KCTD13: variants seen among roughly 807,000 people sequenced by gnomAD.
KCTD13 encodes the protein potassium channel tetramerization domain containing 13, also known as BTB/POZ domain-containing adapter for CUL3-mediated RhoA degradation protein 1.
A neutral mutation model predicts 32.3 loss-of-function variants in KCTD13; 15 were observed. The ratio of observed to expected loss-of-function variants is 0.46; its 90% confidence interval spans 0.31 to 0.71. KCTD13 has a LOEUF of 0.71. Among genes scored for constraint, KCTD13 ranks in the 30% least tolerant of loss-of-function variants. KCTD13 has a pLI of 0.05. For missense variants in KCTD13, 337 were observed against 452.6 expected (o/e 0.74, Z 2.32); for synonymous variants, 189 against 200.1 (o/e 0.94, Z 0.47).
chr16:29,913,021 T>C (rs973946421), intron 2 of KCTD13: 2 of 152,054 alleles, frequency 1.3e-5, no homozygotes, highest in African/African-American at 4.8e-5. Context: ...GAAAACTCAA[T>C]GCGCAATTCT....
At chr16:29,914,889 C>T (rs184411653) in intron 2 of KCTD13, 1 of 152,202 alleles carries the variant, frequency 6.6e-6, no homozygotes, top group Non-Finnish European at 1.5e-5. Flanking sequence ...TGCCTGTCAT[C>T]CCAGCTACTC....
chr16:29,925,676 G>T (rs2068982231), intron 1 of KCTD13, 114 bp downstream of exon 1: 1 of 1,040,130 alleles, frequency 9.6e-7, no homozygotes, highest in Non-Finnish European at 1.4e-6. Flanking sequence ...AGAATGAGTT[G>T]ACTGGACAGT....
At chr16:29,919,266 C>T (rs2068866611) in intron 2 of KCTD13, among the ~76,000 whole-genome samples, 1 of 151,716 alleles carries the variant, frequency 6.6e-6, no homozygotes, top group South Asian at 2.1e-4. Flanking sequence ...AAAAGGGACC[C>T]CTTGGATTGT....
At position 29,924,511 on chromosome 16, in the gene KCTD13, T is replaced by C. The variant is rs575293710; in HGVS notation, c.245-1152A>G. Among the ~76,000 whole-genome samples, 14 of 152,282 alleles carry C rather than the reference T, an allele frequency of 9.2e-5. No homozygotes were observed. The East Asian group carries it at 2.7e-3, about 29-fold the overall frequency. The stretch of plus-strand genomic sequence containing the variant: ...GCCATTTTAACTTTTATATTCTTCA[T>C]AGAGCTTACTATCAAAAAAAGAAAA... On this transcript the variant is annotated intron_variant, in intron 1 of 5. Transcript: ENST00000568000.
At chr16:29,925,425 G>A (rs1027177159) in intron 1 of KCTD13, 1 of 306,366 alleles carries the variant, frequency 3.3e-6, no homozygotes, top group Non-Finnish European at 6.3e-6. Flanking sequence ...ACTGAGGAAG[G>A]CTGCCAGGAG....
chr16:29,910,010 A>T (rs926160628), intron 5 of KCTD13, among the ~76,000 whole-genome samples: 4 of 151,358 alleles, frequency 2.6e-5, no homozygotes, highest in Non-Finnish European at 4.4e-5. Flanking sequence ...GAGGCAGGAG[A>T]ATCACTTGAA....
chr16:29,923,535 T>C (rs1057288381), intron 1 of KCTD13, among the ~76,000 whole-genome samples, 176 bp from the exon 2 acceptor site: 2 of 152,066 alleles, frequency 1.3e-5, no homozygotes, highest in Non-Finnish European at 2.9e-5. Flanking sequence ...GGATTATAGG[T>C]GTGAGCCACC....
chr16:29,926,135 C>G lies in KCTD13; in HGVS notation c.-102G>C, dbSNP rs577090261. Reference sequence around the variant, plus strand: ...CCCCCAGCCCTTGGGCCAGACCGCTCGGCGCACACGCCCACTCACCGCAGC... The same window carrying G: ...CCCCCAGCCCTTGGGCCAGACCGCTGGGCGCACACGCCCACTCACCGCAGC... On this transcript the variant is annotated 5_prime_UTR_variant, in exon 1 of 6. Coordinates refer to ENST00000568000, the MANE Select transcript of KCTD13 (RefSeq NM_178863.5). The G allele has an allele frequency of 1.6e-6, 2 of 1,278,106 alleles. No individual in the cohort carries two copies. The highest frequency in any genetic ancestry group is 3.2e-5 in the African/African-American group (2 of 63,034). 79.2% of individuals were successfully genotyped at this position (1,278,106 alleles called of 1,614,324 possible).
At chr16:29,907,621 T>C (rs2068636001) in intron 5 of KCTD13, among the ~76,000 whole-genome samples, 1 of 151,672 alleles carries the variant, frequency 6.6e-6, no homozygotes, top group Non-Finnish European at 1.5e-5. Flanking sequence ...ACCCCATCTC[T>C]ACCAAAAATA....
At chr16:29,909,216 G>A (rs1427427065) in intron 5 of KCTD13, among the ~76,000 whole-genome samples, 1 of 152,132 alleles carries the variant, frequency 6.6e-6, no homozygotes, top group Non-Finnish European at 1.5e-5. Context: ...ATAAAACACT[G>A]TCTTTAGCTA....
In KCTD13 at chr16:29,911,404, G is replaced by T. The variant is rs1054969085; in HGVS notation, c.558-231C>A. ...GCACAGCAGCTCCAGTGAGGGACCGGGAGCCAGGCCACCTCCCCGGGGGTC... is the reference window on the plus strand; with the variant it reads ...GCACAGCAGCTCCAGTGAGGGACCGTGAGCCAGGCCACCTCCCCGGGGGTC... On this transcript the variant is annotated intron_variant, in intron 4 of 5. Transcript: ENST00000568000. The T allele has an allele frequency of 5.3e-6, 3 of 566,202 alleles. No individual in the cohort carries two copies. The African/African-American group carries it at 5.7e-5, about 11-fold the overall frequency. 35.1% of individuals were successfully genotyped at this position (566,202 alleles called of 1,614,324 possible).
At chr16:29,910,181 C>T (rs1179999430) in intron 5 of KCTD13, among the ~76,000 whole-genome samples, 1 of 151,326 alleles carries the variant, frequency 6.6e-6, no homozygotes, top group Non-Finnish European at 1.5e-5. Context: ...GGGTGGATCA[C>T]GAGGTCAAGA....
intron 2 of KCTD13, among the ~76,000 whole-genome samples, chr16:29,915,721 C>T (rs549251927): frequency 1.3e-5 from 2 of 152,194 alleles, no homozygotes; most frequent in Non-Finnish European, 2.9e-5. Flanking sequence ...TTCTCAGAAG[C>T]GTGATTATTA....
rs1265184969 is a variant in KCTD13 at position 29,923,293 on chromosome 16, G to C, written c.311C>G (p.Ser104Cys). 1.9e-5 allele frequency: 30 copies of C among 1,614,058 alleles called. No individual in the cohort carries two copies. The highest frequency in any genetic ancestry group is 2.4e-5 in the Non-Finnish European group (28 of 1,180,038). The change falls in exon 2 of 6, where the codon TCT becomes TGT. Residue 104 changes from serine to cysteine, a missense_variant. This residue lies in a region of KCTD13 where 252 missense variants were observed against 340.2 expected (regional missense o/e 0.74). Transcript: ENST00000568000. Reference sequence around the variant, plus strand: ...TCTCGTACTCTCCGGCAGTGGCACAGACCCATCCCGCAGGTAATTGAGGAT... The same window carrying C: ...TCTCGTACTCTCCGGCAGTGGCACACACCCATCCCGCAGGTAATTGAGGAT... Reference protein sequence around the residue: ...GTILNYLRDGSVPLPESTREL... With the variant: ...GTILNYLRDGCVPLPESTREL...
Position 29,911,098 on chromosome 16 carries a change from G to A in KCTD13, c.633C>T (p.Leu211=). The A allele has an allele frequency of 1.2e-6, 2 of 1,614,186 alleles. No homozygotes were observed. The highest frequency in any genetic ancestry group is 1.7e-6 in the Non-Finnish European group (2 of 1,180,028). Residue 211 remains leucine, a synonymous_variant, in exon 5 of 6, where the codon CTC becomes CTT. Transcript: ENST00000568000. ...CGTCCCCCAGGACATCCTTGAGGAA[G>A]AGTAGCCGCCCGTGGAAGCGCAGGG... ...KLALRFHGRL[L]FLKDVLGDEI... is the part of the protein sequence containing the mutation.
In KCTD13 at chr16:29,925,782, G is replaced by C; in HGVS notation, c.244+8C>G. 6.2e-7 allele frequency: 1 copy of C among 1,612,748 alleles called. No homozygotes were observed. The highest frequency in any genetic ancestry group is 8.5e-7 in the Non-Finnish European group (1 of 1,179,730). ...GGGGTGGGGGCACGGTAGGGGCGCC[G>C]CTCGTACCTCCGGCATCGGTCAGCA... On this transcript the variant is annotated splice_region_variant and intron_variant, in intron 1 of 5. Coordinates refer to ENST00000568000, the MANE Select transcript of KCTD13 (RefSeq NM_178863.5).
At chr16:29,923,015 G>A (rs923080167) in intron 2 of KCTD13, 175 bp downstream of exon 2, 1 of 636,010 alleles carries the variant, frequency 1.6e-6, no homozygotes, top group African/African-American at 1.8e-5. Context: ...GGCTGGGGTG[G>A]GGGTGCTGCC....
intron 1 of KCTD13, among the ~76,000 whole-genome samples, chr16:29,923,886 A>G (rs2068954713): frequency 6.6e-6 from 1 of 150,794 alleles, no homozygotes; most frequent in South Asian, 2.1e-4. Context: ...AAAAGTAAAG[A>G]AAAGAAGGCC....
At chr16:29,916,898 G>A (rs2068819664) in intron 2 of KCTD13, among the ~76,000 whole-genome samples, 1 of 152,124 alleles carries the variant, frequency 6.6e-6, no homozygotes, top group African/African-American at 2.4e-5. Flanking sequence ...CACTATGGCG[G>A]GGAGTCTGTG....
Sources: gnomAD v4.1 joint callset for allele counts (sites outside exome capture counted in the v4.1 genomes callset) on GRCh38, gnomAD v4.1.1 for gene constraint, gnomAD v4.1.1 regional missense constraint, MANE v1.5 for transcripts, NCBI Gene and HGNC (gene_info 2026-07-23, HGNC 2026-07-21) for gene names.